Variants in AUTS2 observed in about 807,000 individuals in gnomAD.
AUTS2 encodes activator of transcription and developmental regulator AUTS2, also known as autism susceptibility gene 2 protein.
Under a neutral mutation model 112.4 loss-of-function variants are expected in AUTS2, and 17 were observed. The ratio of observed to expected loss-of-function variants is 0.15; its 90% CI spans 0.10 to 0.23. The LOEUF (loss-of-function observed/expected upper bound fraction) is 0.23. AUTS2 is among the 10% of genes least tolerant of loss of function. The probability of loss-of-function intolerance (pLI) is 1.00; values close to 1 mark genes in which losing one functional copy is unlikely to be tolerated. For synonymous variants in AUTS2, 751 were observed against 702.7 expected (o/e 1.07, Z -1.09); for missense variants, 1,510 against 1,701.6 (o/e 0.89, Z 1.98).
At chr7:70,462,393 A>G (rs1797001939) in intron 5 of AUTS2, among the ~76,000 whole-genome samples, 3 of 152,234 alleles carry the variant, frequency 2.0e-5, no homozygotes, top group Admixed American at 6.5e-5. Context: ...GACACATGAT[A>G]AAGCAAGTGT....
rs555097612 is a variant in AUTS2, at chr7:70,131,765, C to T, written c.625-2771C>T. On this transcript the variant is annotated intron_variant, in intron 3 of 18. Transcript: ENST00000342771. ...GACTCTTTACTGGGCCTTTTGGATG[C>T]GAGACCTCAGGGATATATGATACGT... 5.3e-5 allele frequency among the ~76,000 whole-genome samples: 8 copies of T among 151,996 alleles called. No individual in the cohort carries two copies. In the East Asian group the frequency reaches 1.6e-3, roughly 30 times the overall value.
intron 1 of AUTS2, among the ~76,000 whole-genome samples, chr7:69,762,714 A>C (rs1055963622): frequency 1.3e-5 from 2 of 152,110 alleles, no homozygotes; most frequent in South Asian, 2.1e-4. Flanking sequence ...GAAGAAAATA[A>C]TTGTTTCTAA....
intron 4 of AUTS2, among the ~76,000 whole-genome samples, chr7:70,272,339 C>A (rs1334711052): frequency 6.6e-6 from 1 of 151,968 alleles, no homozygotes; most frequent in Non-Finnish European, 1.5e-5. Context: ...TTAGATTTCT[C>A]TTCTGTAATT....
intron 4 of AUTS2, among the ~76,000 whole-genome samples, chr7:70,386,557 C>T (rs1363350391): frequency 6.6e-6 from 1 of 152,212 alleles, no homozygotes; most frequent in Non-Finnish European, 1.5e-5. Context: ...AATCTACTAT[C>T]TCTGTGGATT....
At chr7:69,926,958 CATAT>C (rs998344052) in intron 2 of AUTS2, among the ~76,000 whole-genome samples, 5 of 144,714 alleles carry the variant, frequency 3.5e-5, no homozygotes, top group African/African-American at 1.3e-4. Context: ...AGATATATAA[CATAT>C]ATATTATATA....
chr7:69,717,737 G>C (rs1798692949), intron 1 of AUTS2, among the ~76,000 whole-genome samples: 1 of 152,028 alleles, frequency 6.6e-6, no homozygotes, highest in African/African-American at 2.4e-5. Context: ...TATTGAAGGG[G>C]GAAAACAAAT....
At chr7:69,703,582 T>G (rs373943670) in intron 1 of AUTS2, among the ~76,000 whole-genome samples, 1 of 152,218 alleles carries the variant, frequency 6.6e-6, no homozygotes, top group Non-Finnish European at 1.5e-5. Flanking sequence ...AGGCTAGGTA[T>G]GAAAATAGCA....
intron 4 of AUTS2, among the ~76,000 whole-genome samples, chr7:70,148,196 A>G (rs1807237586): frequency 6.6e-6 from 1 of 152,140 alleles, no homozygotes; most frequent in Non-Finnish European, 1.5e-5. Context: ...GAACCCATGT[A>G]AATAACTGTG....
At chr7:70,630,407 C>T (rs1188485585) in intron 5 of AUTS2, among the ~76,000 whole-genome samples, 1 of 152,222 alleles carries the variant, frequency 6.6e-6, no homozygotes, top group Non-Finnish European at 1.5e-5. Context: ...AAAGCTTCAC[C>T]AGACCTCTAA....
chr7:70,035,369 G>C (rs1800955648), intron 2 of AUTS2, among the ~76,000 whole-genome samples: 1 of 152,200 alleles, frequency 6.6e-6, no homozygotes, highest in African/African-American at 2.4e-5. Flanking sequence ...ATTAGGCAAA[G>C]TACTTGGCAT....
rs1787755350 is a variant in AUTS2, at chr7:69,751,944, AT to A, written c.310-147341del. On this transcript the variant is annotated intron_variant, in intron 1 of 18. Coordinates refer to ENST00000342771, the MANE Select transcript of AUTS2 (RefSeq NM_015570.4). ...ATTACTTAATCCACATGAAGTTCTT[AT>A]AATAGTGCCCAATACACAGTACTCA... 2.0e-5 allele frequency among the ~76,000 whole-genome samples: 3 copies of A among 152,232 alleles called. No homozygotes were observed. The South Asian group carries it at 6.2e-4, about 31-fold the overall frequency.
rs76056113 is a variant in AUTS2 at position 70,447,427 on chromosome 7, T to C, written c.690+11646T>C. Among the ~76,000 whole-genome samples, 557 of 152,356 alleles carry C rather than the reference T, an allele frequency of 3.7e-3. 4 individuals are homozygous for C. Among genetic ancestry groups the C allele is most frequent in the African/African-American group, 0.013 (535 of 41,582 alleles). ...CTACAGAGAGATAAAGAAGTAACTATTGTTTAAATAGTGCTTAGATGTGCT... is the reference window on the plus strand; with the variant it reads ...CTACAGAGAGATAAAGAAGTAACTACTGTTTAAATAGTGCTTAGATGTGCT... On this transcript the variant is annotated intron_variant, in intron 5 of 18. Coordinates refer to ENST00000342771, the MANE Select transcript of AUTS2 (RefSeq NM_015570.4).
At chr7:70,382,896 T>C (rs1214323268) in intron 4 of AUTS2, among the ~76,000 whole-genome samples, 2 of 152,184 alleles carry the variant, frequency 1.3e-5, no homozygotes, top group Non-Finnish European at 2.9e-5. Context: ...AGAAGAGTAA[T>C]GAAAGTAAAA....
chr7:69,621,159 A>T (rs527551227), intron 1 of AUTS2, among the ~76,000 whole-genome samples: 1 of 152,190 alleles, frequency 6.6e-6, no homozygotes, highest in Non-Finnish European at 1.5e-5. Flanking sequence ...GAGTGGTTCT[A>T]TGAGGTTGGT....
intron 3 of AUTS2, among the ~76,000 whole-genome samples, chr7:70,130,369 CAG>C (rs962289322): frequency 6.6e-6 from 1 of 151,962 alleles, no homozygotes; most frequent in Admixed American, 6.6e-5. Flanking sequence ...GCTGTTAAAA[CAG>C]AAATGTTAAC....
At chr7:70,335,941 A>G (rs1790970022) in intron 4 of AUTS2, among the ~76,000 whole-genome samples, 1 of 152,220 alleles carries the variant, frequency 6.6e-6, no homozygotes, top group Non-Finnish European at 1.5e-5. Context: ...TAAAGTGATT[A>G]ACCAAGACTT....
At chr7:70,523,034 A>T (rs541800720) in intron 5 of AUTS2, among the ~76,000 whole-genome samples, 27 of 152,350 alleles carry the variant, frequency 1.8e-4, no homozygotes, top group African/African-American at 6.0e-4. Context: ...TTCTAAAACT[A>T]ATTTCCAAGA....
rs1336902614 is a variant in AUTS2, at chr7:69,760,250, A to G, written c.310-139036A>G. Among the ~76,000 whole-genome samples the G allele has an allele frequency of 5.0e-5, 7 of 139,554 alleles. No individual in the cohort carries two copies. In the South Asian group the frequency reaches 1.4e-3, roughly 27 times the overall value. The allele number at this position is 139,554 out of a possible 152,430, so 91.6% of individuals were successfully genotyped here. On this transcript the variant is annotated intron_variant, in intron 1 of 18. Transcript: ENST00000342771. ...AGGGTTTTCCATGTTGACCTGGCCG[A>G]TCTCAAACTCCTGGCCTCAAGCGAT...
intron 4 of AUTS2, among the ~76,000 whole-genome samples, 200 bp from the exon 5 acceptor site, chr7:70,435,552 G>A (rs183964555): frequency 3.3e-5 from 5 of 152,260 alleles, no homozygotes; most frequent in Non-Finnish European, 5.9e-5. Flanking sequence ...TAACTTTTTT[G>A]CATCTGGATA....
Sources: gnomAD v4.1 joint callset for allele counts (sites outside exome capture counted in the v4.1 genomes callset) on GRCh38, gnomAD v4.1.1 for gene constraint, MANE v1.5 for transcripts, NCBI Gene and HGNC (gene_info 2026-07-23, HGNC 2026-07-21) for gene names.